The following CCDC6 variants were observed in gnomAD, a reference collection of about 807,000 sequenced individuals.
CCDC6 encodes coiled-coil domain-containing protein 6.
A neutral mutation model predicts 56.6 loss-of-function variants in CCDC6; 20 were observed. The observed-to-expected ratio is 0.35, with a 90% CI of 0.25 to 0.51. The LOEUF is 0.51. Among genes scored for constraint, CCDC6 ranks in the 20% least tolerant of loss-of-function variants. The pLI, the probability that CCDC6 is intolerant of heterozygous loss-of-function variation, is 0.95. For missense variants in CCDC6, 367 were observed against 601.1 expected, an observed-to-expected ratio of 0.61 and a Z score of 4.07; for synonymous variants, 241 against 234.4, an observed-to-expected ratio of 1.03 and a Z score of -0.26.
At chr10:59,813,152 C>T (rs943191142) in intron 4 of CCDC6, among the ~76,000 whole-genome samples, 1 of 152,160 alleles carries the variant, frequency 6.6e-6, no homozygotes, top group East Asian at 1.9e-4. Context: ...GGGTTTAGTG[C>T]ATGAAGATGC....
chr10:59,837,994 G>T (rs779366341), intron 2 of CCDC6, among the ~76,000 whole-genome samples: 1 of 152,018 alleles, frequency 6.6e-6, no homozygotes, highest in Non-Finnish European at 1.5e-5. Flanking sequence ...TTGGAAAAAA[G>T]CTCAAAAATC....
intron 3 of CCDC6, among the ~76,000 whole-genome samples, chr10:59,817,724 T>C (rs1023671456): frequency 2.6e-5 from 4 of 151,988 alleles, no homozygotes; most frequent in African/African-American, 7.2e-5. Flanking sequence ...TCTTTACCCA[T>C]ATGTAACTAA....
intron 2 of CCDC6, among the ~76,000 whole-genome samples, chr10:59,843,939 A>C (rs746278496): frequency 4.6e-5 from 7 of 152,166 alleles, no homozygotes; most frequent in Non-Finnish European, 8.8e-5. Flanking sequence ...CCATACAACG[A>C]CCAAAACCAC....
chr10:59,852,204 G>T (rs1023463976), intron 2 of CCDC6, among the ~76,000 whole-genome samples: 5 of 152,034 alleles, frequency 3.3e-5, no homozygotes, highest in African/African-American at 9.7e-5. Context: ...AAAAGTTTAC[G>T]TACTTATTAC....
At chr10:59,856,749 T>C (rs1030314499) in intron 1 of CCDC6, among the ~76,000 whole-genome samples, 1 of 152,162 alleles carries the variant, frequency 6.6e-6, no homozygotes, top group African/African-American at 2.4e-5. Context: ...ATTTCCTTTT[T>C]ACCTAAAATG....
chr10:59,828,515 TATAAAAGAAAGATGA>T (rs1324870178), intron 3 of CCDC6, among the ~76,000 whole-genome samples: 1 of 152,164 alleles, frequency 6.6e-6, no homozygotes, highest in East Asian at 1.9e-4. Flanking sequence ...TTCTTTGAAG[TATAAAAGAAAGATGA>T]CATTGCCTTT....
At position 59,905,803 on chromosome 10, in the gene CCDC6, CCCCAGCCACGCCG is replaced by C. The variant is rs1455211932; in HGVS notation, c.303+306_303+318del. 3.9e-5 allele frequency among the ~76,000 whole-genome samples: 6 copies of C among 152,342 alleles called. No homozygotes were observed. The South Asian group carries it at 1.2e-3, about 32-fold the overall frequency. On this transcript the variant is annotated intron_variant, in intron 1 of 8. Transcript: ENST00000263102. ...GGGCTGAAAAAAGTCCTACCCCGCC[CCCCAGCCACGCCG>C]CCAGCCTCCAGCCCAGCCCCGGAGG... is the stretch of plus-strand genomic sequence containing the variant.
At chr10:59,884,044 C>G (rs2071365379) in intron 1 of CCDC6, among the ~76,000 whole-genome samples, 1 of 152,178 alleles carries the variant, frequency 6.6e-6, no homozygotes. Flanking sequence ...AAACTCCTAA[C>G]ATCAACCAAT....
chr10:59,822,973 C>G (rs577347676), intron 3 of CCDC6, among the ~76,000 whole-genome samples: 4 of 151,926 alleles, frequency 2.6e-5, no homozygotes, highest in African/African-American at 9.7e-5. Context: ...GGTTTGACTT[C>G]GGAGGGACAG....
intron 7 of CCDC6, among the ~76,000 whole-genome samples, chr10:59,796,911 C>A (rs2070524863): frequency 6.7e-6 from 1 of 148,570 alleles, no homozygotes; most frequent in Non-Finnish European, 1.5e-5. Context: ...GCGGAGCTTG[C>A]AGTGAGCTGA....
intron 7 of CCDC6, among the ~76,000 whole-genome samples, chr10:59,797,832 C>T (rs2070537066): frequency 6.6e-6 from 1 of 152,034 alleles, no homozygotes. Flanking sequence ...GAAACAATCC[C>T]CAGTCCAATA....
chr10:59,905,065 T>C (rs750003931), intron 1 of CCDC6, among the ~76,000 whole-genome samples: 1 of 152,210 alleles, frequency 6.6e-6, no homozygotes, highest in Admixed American at 6.5e-5. Context: ...GACATCATCT[T>C]CTCTGCTTCT....
At chr10:59,799,869 G>A (rs1273218963) in intron 7 of CCDC6, among the ~76,000 whole-genome samples, 1 of 152,090 alleles carries the variant, frequency 6.6e-6, no homozygotes, top group Non-Finnish European at 1.5e-5. Context: ...GAATACTGTA[G>A]CTACCTTGCA....
intron 1 of CCDC6, among the ~76,000 whole-genome samples, chr10:59,880,765 T>A (rs2440910): frequency 3.3e-5 from 5 of 152,034 alleles, no homozygotes; most frequent in Admixed American, 1.3e-4. Context: ...CCTTAACCTC[T>A]CTGAGACACA....
At chr10:59,901,254 A>G (rs2071502197) in intron 1 of CCDC6, among the ~76,000 whole-genome samples, 1 of 152,330 alleles carries the variant, frequency 6.6e-6, no homozygotes. Context: ...GTGTGTTTCC[A>G]TAAGAATCTA....
chr10:59,807,226 T>A, intron 5 of CCDC6, 148 bp from the exon 6 acceptor site: 4 of 693,508 alleles, frequency 5.8e-6, no homozygotes, highest in Non-Finnish European at 9.4e-6. Context: ...GGCTCACACT[T>A]GTAATCCTGG....
chr10:59,822,525 C>A (rs1337830288), intron 3 of CCDC6, among the ~76,000 whole-genome samples: 1 of 152,066 alleles, frequency 6.6e-6, no homozygotes, highest in Non-Finnish European at 1.5e-5. Flanking sequence ...GTGGAGAAGT[C>A]CTCAGGAAAG....
At chr10:59,809,283 T>C (rs899698288) in intron 5 of CCDC6, among the ~76,000 whole-genome samples, 3 of 152,182 alleles carry the variant, frequency 2.0e-5, no homozygotes, top group African/African-American at 7.2e-5. Context: ...GAATTAACAT[T>C]AGTGAGGCTC....
chr10:59,856,772 A>G (rs1371788036), intron 1 of CCDC6, among the ~76,000 whole-genome samples: 1 of 152,202 alleles, frequency 6.6e-6, no homozygotes, highest in Non-Finnish European at 1.5e-5. Context: ...TGCAAGTCTC[A>G]GCATATCTAA....
Sources: allele counts gnomAD v4.1 joint callset (sites outside exome capture counted in the v4.1 genomes callset), GRCh38; gene constraint gnomAD v4.1.1; transcripts MANE v1.5; gene names NCBI Gene and HGNC (gene_info 2026-07-23, HGNC 2026-07-21).